The following SNTB2 variants were observed in gnomAD, a reference collection of about 807,000 sequenced individuals.
SNTB2 encodes the protein beta-2-syntrophin.
In SNTB2, 34 loss-of-function variants were observed where a neutral mutation model predicts 46.2. The observed-to-expected ratio is 0.74, with a 90% confidence interval of 0.56 to 0.98. The LOEUF is 0.98. Ranked by LOEUF, SNTB2 falls within the 50% of genes least tolerant of loss-of-function variation. The pLI, the probability that SNTB2 is intolerant of heterozygous loss-of-function variation, is 0.00. For missense variants in SNTB2, 603 were observed against 731.4 expected (o/e 0.82, Z 2.02); for synonymous variants, 290 against 312.6 (o/e 0.93, Z 0.76).
chr16:69,287,154 G>A (rs1965111706), intron 5 of SNTB2, among the ~76,000 whole-genome samples: 1 of 152,166 alleles, frequency 6.6e-6, no homozygotes, highest in African/African-American at 2.4e-5. Flanking sequence ...TAGTTGTCAT[G>A]AATTTGGAGT....
chr16:69,232,502 C>CTTTTTTTTTTTTTTTTTTT lies in SNTB2; in HGVS notation c.581-13091_581-13073dup, dbSNP rs1032986410. ...TTACAGGTGTGAGCCACGGTGCGGC[C>CTTTTTTTTTTTTTTTTTTT]TTTTTTTTTTTTTTTTTTTTTTTTT... is the stretch of plus-strand genomic sequence containing the variant. On this transcript the variant is annotated intron_variant, in intron 1 of 6. Coordinates refer to ENST00000336278, the MANE Select transcript of SNTB2 (RefSeq NM_006750.4). Among the ~76,000 whole-genome samples the CTTTTTTTTTTTTTTTTTTT allele has an allele frequency of 1.1e-4, 7 of 63,884 alleles. 2 individuals are homozygous for CTTTTTTTTTTTTTTTTTTT. The highest frequency in any genetic ancestry group is 1.5e-4 in the Non-Finnish European group (5 of 33,454). The allele number at this position is 63,884 out of a possible 152,430, so 41.9% of individuals were successfully genotyped here. A position where few individuals can be genotyped will look rare whatever the true frequency, so the allele number is the denominator to read the frequency against.
intron 1 of SNTB2, among the ~76,000 whole-genome samples, chr16:69,195,877 C>G (rs1219378535): frequency 1.3e-5 from 2 of 152,222 alleles, no homozygotes; most frequent in Middle Eastern, 3.4e-3. Context: ...GGCAGCCTCA[C>G]CAGACTATAA....
At chr16:69,217,056 A>G (rs1395086132) in intron 1 of SNTB2, among the ~76,000 whole-genome samples, 2 of 152,184 alleles carry the variant, frequency 1.3e-5, no homozygotes, top group African/African-American at 4.8e-5. Context: ...GATATCTGAC[A>G]TAGAAAAAGT....
intron 5 of SNTB2, among the ~76,000 whole-genome samples, chr16:69,298,512 C>CTTTTTT (rs34908270): frequency 5.1e-5 from 4 of 78,108 alleles, no homozygotes; most frequent in Admixed American, 1.4e-4. Flanking sequence ...TTTACCAATT[C>CTTTTTT]TTTTTTTTTT....
intron 2 of SNTB2, among the ~76,000 whole-genome samples, chr16:69,248,664 A>T (rs915118512): frequency 2.0e-5 from 3 of 152,060 alleles, no homozygotes; most frequent in Non-Finnish European, 2.9e-5. Flanking sequence ...TAAACAAATG[A>T]GATACATTTG....
At chr16:69,212,097 C>G (rs1199538302) in intron 1 of SNTB2, among the ~76,000 whole-genome samples, 2 of 152,142 alleles carry the variant, frequency 1.3e-5, no homozygotes, top group East Asian at 1.9e-4. Context: ...ACCTTGAACC[C>G]TACACTCTAG....
intron 1 of SNTB2, 72 bp downstream of exon 1, chr16:69,187,818 C>G: frequency 8.1e-7 from 1 of 1,236,750 alleles, no homozygotes; most frequent in Non-Finnish European, 1.1e-6. Flanking sequence ...TTTGTTCCTG[C>G]CCCGCCGGCG....
At chr16:69,235,673 C>T (rs964730072) in intron 1 of SNTB2, 1 of 1,243,118 alleles carries the variant, frequency 8.0e-7, no homozygotes, top group Non-Finnish European at 1.0e-6. Context: ...ACCCTGGCAC[C>T]AATATGACAG....
chr16:69,243,549 A>G (rs1056621889), intron 1 of SNTB2, among the ~76,000 whole-genome samples: 29 of 152,232 alleles, frequency 1.9e-4, no homozygotes, highest in Admixed American at 1.8e-3. Flanking sequence ...TAACCACTAT[A>G]TTATTCAAGA....
At chr16:69,285,334 G>A (rs1965092021) in intron 5 of SNTB2, among the ~76,000 whole-genome samples, 1 of 147,462 alleles carries the variant, frequency 6.8e-6, no homozygotes, top group African/African-American at 2.5e-5. Flanking sequence ...TGTACAACAT[G>A]ACATTTTTAT....
At chr16:69,254,755 G>A (rs548862999) in intron 2 of SNTB2, among the ~76,000 whole-genome samples, 44 of 152,160 alleles carry the variant, frequency 2.9e-4, no homozygotes, top group African/African-American at 1.1e-3. Context: ...GGGCAGGAGG[G>A]TCACTTGAGC....
At chr16:69,237,975 T>C (rs1295021346) in intron 1 of SNTB2, among the ~76,000 whole-genome samples, 1 of 152,154 alleles carries the variant, frequency 6.6e-6, no homozygotes, top group Non-Finnish European at 1.5e-5. Context: ...CCCAGCCCTT[T>C]AATAGTGGAG....
intron 3 of SNTB2, 69 bp from the exon 4 acceptor site, chr16:69,270,074 C>T: frequency 1.3e-6 from 2 of 1,582,460 alleles, no homozygotes; most frequent in Non-Finnish European, 1.7e-6. Context: ...GTTAGGCCAT[C>T]ATTGAAGGAA....
chr16:69,257,918 T>G (rs1964794822), intron 2 of SNTB2, among the ~76,000 whole-genome samples: 1 of 152,230 alleles, frequency 6.6e-6, no homozygotes, highest in African/African-American at 2.4e-5. Flanking sequence ...GCACAATATT[T>G]GGCATGTAGT....
chr16:69,243,757 C>T (rs1226498629), intron 1 of SNTB2, among the ~76,000 whole-genome samples: 3 of 152,126 alleles, frequency 2.0e-5, no homozygotes, highest in African/African-American at 7.2e-5. Context: ...GACTGCACTC[C>T]TGCTGATTTT....
chr16:69,261,300 T>G (rs1964832444), intron 3 of SNTB2, among the ~76,000 whole-genome samples: 1 of 151,884 alleles, frequency 6.6e-6, no homozygotes. Flanking sequence ...CTCCCCAACA[T>G]AGTTCTAACT....
intron 1 of SNTB2, among the ~76,000 whole-genome samples, chr16:69,208,121 A>T (rs569037929): frequency 6.7e-6 from 1 of 149,336 alleles, no homozygotes; most frequent in South Asian, 2.1e-4. Flanking sequence ...AAAAAAAAAA[A>T]AAAAGCCGGG....
At chr16:69,274,867 G>A (rs1964971588) in intron 4 of SNTB2, among the ~76,000 whole-genome samples, 2 of 152,056 alleles carry the variant, frequency 1.3e-5, no homozygotes, top group African/African-American at 2.4e-5. Context: ...TCAAAGTTTC[G>A]TATTAAAGGT....
rs1251782328 is a variant in SNTB2, at chr16:69,308,682, G to A, written c.*7758G>A. ...TTTCATTTTTAAGTATAAAGACTTA[G>A]AAAACTAGAATAATGCTTTTACAAA... On this transcript the variant is annotated 3_prime_UTR_variant, in exon 7 of 7. Coordinates refer to ENST00000336278, the MANE Select transcript of SNTB2 (RefSeq NM_006750.4). The A allele has an allele frequency of 6.6e-6, 1 of 152,186 alleles. No individual in the cohort carries two copies. Among genetic ancestry groups the A allele is most frequent in the Non-Finnish European group, 1.5e-5 (1 of 68,038 alleles). The allele number at this position is 152,186 out of a possible 1,614,324, so 9.4% of individuals were successfully genotyped here.
Sources: gnomAD v4.1 joint callset for allele counts (sites outside exome capture counted in the v4.1 genomes callset) on GRCh38, gnomAD v4.1.1 for gene constraint, MANE v1.5 for transcripts, NCBI Gene and HGNC (gene_info 2026-07-23, HGNC 2026-07-21) for gene names.